Variants in ZBTB16 observed in about 807,000 individuals in gnomAD.
The protein encoded by ZBTB16 is zinc finger and BTB domain-containing protein 16.
ZBTB16 carries 8 observed loss-of-function variants against 56.8 expected under a neutral mutation model. The observed-to-expected ratio is 0.14, with a 90% CI of 0.08 to 0.25. The LOEUF is 0.25. Ranked by LOEUF, ZBTB16 falls within the 10% of genes least tolerant of loss-of-function variation. The pLI is 1.00. For missense variants in ZBTB16, 625 were observed against 903.0 expected (o/e 0.69, Z 3.95); for synonymous variants, 363 against 368.5 (o/e 0.98, Z 0.17).
intron 2 of ZBTB16, among the ~76,000 whole-genome samples, chr11:114,101,847 T>C (rs781125254): frequency 4.6e-5 from 7 of 152,238 alleles, no homozygotes; most frequent in Non-Finnish European, 1.0e-4. Context: ...GGGAGATACA[T>C]TCATATATTT....
At chr11:114,191,892 G>A (rs1055386842) in intron 4 of ZBTB16, among the ~76,000 whole-genome samples, 12 of 152,194 alleles carry the variant, frequency 7.9e-5, no homozygotes, top group Admixed American at 3.3e-4. Context: ...TTTTGACTGG[G>A]AGAATGACAT....
At chr11:114,146,089 G>A (rs1422854383) in intron 2 of ZBTB16, among the ~76,000 whole-genome samples, 1 of 152,164 alleles carries the variant, frequency 6.6e-6, no homozygotes, top group East Asian at 1.9e-4. Flanking sequence ...CATACGGTAG[G>A]CGCTTAACAG....
chr11:114,188,310 G>A (rs1943410173), intron 4 of ZBTB16: 1 of 152,396 alleles, frequency 6.6e-6, no homozygotes, highest in African/African-American at 2.4e-5. Flanking sequence ...AGGAGGGAAA[G>A]TGACTTGCTG....
chr11:114,075,629 G>GTATA (rs10526570), intron 2 of ZBTB16, among the ~76,000 whole-genome samples: 2,104 of 141,004 alleles, frequency 0.015, 46 homozygotes, highest in African/African-American at 0.031. Flanking sequence ...GCTAATTTTT[G>GTATA]TATATATATA....
intron 3 of ZBTB16, among the ~76,000 whole-genome samples, chr11:114,174,331 T>A (rs1943049175): frequency 6.6e-6 from 1 of 152,068 alleles, no homozygotes; most frequent in South Asian, 2.1e-4. Flanking sequence ...TTTTTTCTTT[T>A]ATGTTTACTA....
intron 3 of ZBTB16, among the ~76,000 whole-genome samples, chr11:114,165,450 A>C (rs1402546359): frequency 6.6e-6 from 1 of 152,214 alleles, no homozygotes; most frequent in Non-Finnish European, 1.5e-5. Flanking sequence ...TGAGTGCAGG[A>C]CTCAGCAGCT....
intron 3 of ZBTB16, among the ~76,000 whole-genome samples, chr11:114,168,619 T>C (rs1446477142): frequency 1.3e-5 from 2 of 152,352 alleles, no homozygotes; most frequent in East Asian, 3.9e-4. Context: ...GACTTCAATC[T>C]CCCTCTCTTT....
chr11:114,245,527 G>A (rs1420126566), intron 5 of ZBTB16, among the ~76,000 whole-genome samples: 4 of 152,172 alleles, frequency 2.6e-5, no homozygotes, highest in African/African-American at 9.7e-5. Flanking sequence ...GAGAATTTAT[G>A]TGGGTACAGG....
At chr11:114,223,914 G>A (rs906639082) in intron 4 of ZBTB16, among the ~76,000 whole-genome samples, 4 of 152,176 alleles carry the variant, frequency 2.6e-5, no homozygotes, top group African/African-American at 9.7e-5. Context: ...CCAGAGTAGG[G>A]AGAGAGTAAG....
At chr11:114,093,571 A>T (rs1486800947) in intron 2 of ZBTB16, among the ~76,000 whole-genome samples, 2 of 152,156 alleles carry the variant, frequency 1.3e-5, no homozygotes, top group Non-Finnish European at 2.9e-5. Context: ...AGGATGGTGG[A>T]GCATTGTCCT....
chr11:114,136,247 T>C (rs556414710), intron 2 of ZBTB16, among the ~76,000 whole-genome samples: 2 of 152,294 alleles, frequency 1.3e-5, no homozygotes, highest in South Asian at 4.1e-4. Flanking sequence ...AAATGAGCCT[T>C]CAAGTACTAT....
intron 4 of ZBTB16, among the ~76,000 whole-genome samples, chr11:114,240,996 T>G (rs1944690362): frequency 6.6e-6 from 1 of 152,094 alleles, no homozygotes; most frequent in Non-Finnish European, 1.5e-5. Context: ...TGTCTGATCC[T>G]CCCACCGGCC....
At position 114,254,334 on chromosome 11, in the gene ZBTB16, A is replaced by G. The variant is rs1944965133; in HGVS notation, c.*3779A>G. On this transcript the variant is annotated 3_prime_UTR_variant, in exon 7 of 7. Transcript: ENST00000335953. ...CTGGGGGACCCAGTGATTCAGTACA[A>G]TCCAAGGGATGCAACGCGGGCTTGT... Among the ~76,000 whole-genome samples, 1 of 152,106 alleles carries G rather than the reference A, an allele frequency of 6.6e-6. No individual in the cohort carries two copies. Among genetic ancestry groups the G allele is most frequent in the Non-Finnish European group, 1.5e-5 (1 of 68,018 alleles).
Position 114,063,774 on chromosome 11 carries a change from C to G in ZBTB16, c.474C>G (p.Ile158Met), listed in dbSNP as rs886294578. The G allele has an allele frequency of 1.9e-6, 3 of 1,613,992 alleles. No individual in the cohort carries two copies. The highest frequency in any genetic ancestry group is 1.3e-5 in the African/African-American group (1 of 74,946). Residue 158 changes from isoleucine (I) to methionine (M), a missense_variant, in exon 2 of 7, where the codon ATC becomes ATG. Physicochemically the swap from Ile to Met is conservative, Grantham distance 10. Transcript: ENST00000335953. This position sits in a 1 kb window ranked among gnomAD's most constrained non-coding sequence, Gnocchi z 6.5. ...RKARYLKNIF[I>M]SKHSSEESGY... ...CTCGGTACCTCAAGAACATCTTCAT[C>G]TCGAAGCATTCCAGCGAGGAGAGTG...
chr11:114,168,298 G>C (rs1324988495), intron 3 of ZBTB16, among the ~76,000 whole-genome samples: 8 of 152,220 alleles, frequency 5.3e-5, no homozygotes, highest in Non-Finnish European at 1.0e-4. Context: ...TGGATGAGAA[G>C]ACAAGGATGG....
intron 2 of ZBTB16, among the ~76,000 whole-genome samples, chr11:114,105,061 A>G (rs1405348528): frequency 2.6e-5 from 4 of 152,282 alleles, no homozygotes; most frequent in African/African-American, 9.6e-5. Context: ...ACAATAGACC[A>G]GTTGGTAATT....
intron 2 of ZBTB16, among the ~76,000 whole-genome samples, chr11:114,095,591 G>A (rs1272446331): frequency 5.9e-5 from 9 of 152,250 alleles, no homozygotes; most frequent in Admixed American, 5.9e-4. Context: ...TATGGAGCAG[G>A]GAGAAAGAGA....
At chr11:114,155,162 C>T (rs1422481842) in intron 2 of ZBTB16, among the ~76,000 whole-genome samples, 1 of 152,228 alleles carries the variant, frequency 6.6e-6, no homozygotes, top group African/African-American at 2.4e-5. Context: ...GCCTTGTTTT[C>T]CCTTCTGCCT....
chr11:114,240,333 A>G (rs1250128259), intron 4 of ZBTB16, among the ~76,000 whole-genome samples: 2 of 152,200 alleles, frequency 1.3e-5, no homozygotes, highest in Non-Finnish European at 2.9e-5. Context: ...ATCTCCATTG[A>G]TGGCCAGGAA....
Sources: gnomAD v4.1 joint callset for allele counts (sites outside exome capture counted in the v4.1 genomes callset) on GRCh38, gnomAD v4.1.1 for gene constraint, Gnocchi (gnomAD v3.1) non-coding constraint, MANE v1.5 for transcripts, NCBI Gene and HGNC (gene_info 2026-07-23, HGNC 2026-07-21) for gene names.